TIAM2: variants seen among roughly 807,000 people sequenced by gnomAD.
TIAM2 encodes TIAM Rac1 associated GEF 2, also known as rho guanine nucleotide exchange factor TIAM2.
In TIAM2, 80 loss-of-function variants were observed where a neutral mutation model predicts 152.9. That is an observed-to-expected ratio of 0.52 (90% CI 0.44 to 0.63). The LOEUF is 0.63. Ranked by LOEUF, TIAM2 falls within the 30% of genes least tolerant of loss-of-function variation. The pLI, the probability that TIAM2 is intolerant of heterozygous loss-of-function variation, is 0.00. For synonymous variants in TIAM2, 804 were observed against 838.0 expected (o/e 0.96, Z 0.70); for missense variants, 1,965 against 2,120.1 (o/e 0.93, Z 1.44).
chr6:155,167,965 A>T (rs982625818), intron 9 of TIAM2, among the ~76,000 whole-genome samples: 3 of 152,242 alleles, frequency 2.0e-5, no homozygotes, highest in Non-Finnish European at 2.9e-5. Flanking sequence ...GTTTTTACCC[A>T]GCATCTGTGG....
At position 155,140,587 on chromosome 6, in the gene TIAM2, A is replaced by T. The variant is rs899717135; in HGVS notation, c.1630+2975A>T. Among the ~76,000 whole-genome samples the T allele has an allele frequency of 4.3e-3, 629 of 147,568 alleles. 1 individual carries two copies. Among genetic ancestry groups the T allele is most frequent in the East Asian group, 0.014 (70 of 5,062 alleles). ...GTGTGTGTGTGTGAGAGAGAGAGAG[A>T]GAGAGAGAGAGAGAGAGAGAGAGAG... is the stretch of plus-strand genomic sequence containing the variant. On this transcript the variant is annotated intron_variant, in intron 5 of 26. Coordinates refer to ENST00000682666, the MANE Select transcript of TIAM2 (RefSeq NM_012454.4).
chr6:155,172,753 G>A (rs1344431025), intron 9 of TIAM2, among the ~76,000 whole-genome samples: 3 of 134,004 alleles, frequency 2.2e-5, no homozygotes, highest in African/African-American at 5.5e-5. Flanking sequence ...TGGTAGGTGC[G>A]TAACAGTCCT....
At chr6:155,015,948 A>C (rs1778569868) in intron 1 of TIAM2, among the ~76,000 whole-genome samples, 2 of 144,040 alleles carry the variant, frequency 1.4e-5, no homozygotes, top group South Asian at 2.1e-4. Context: ...AAAAACCAAA[A>C]AAAAAAAAAA....
intron 2 of TIAM2, among the ~76,000 whole-genome samples, chr6:155,096,719 G>A (rs1255303926): frequency 3.3e-5 from 5 of 152,074 alleles, no homozygotes; most frequent in African/African-American, 1.2e-4. Context: ...AATCCATTAT[G>A]TATATATACC....
chr6:155,145,833 G>A (rs1015131367), intron 6 of TIAM2, among the ~76,000 whole-genome samples: 1 of 152,036 alleles, frequency 6.6e-6, no homozygotes, highest in East Asian at 1.9e-4. Context: ...AAGCTCCCTG[G>A]GCCTTTAATT....
intron 2 of TIAM2, among the ~76,000 whole-genome samples, chr6:155,100,932 T>C (rs1456266842): frequency 1.3e-5 from 2 of 152,312 alleles, no homozygotes; most frequent in Admixed American, 6.5e-5. Context: ...GGACTCTAAA[T>C]TGTGGGCCCC....
At chr6:155,047,323 C>T (rs567198604) in intron 1 of TIAM2, among the ~76,000 whole-genome samples, 1 of 152,132 alleles carries the variant, frequency 6.6e-6, no homozygotes, top group Non-Finnish European at 1.5e-5. Context: ...GGATTACAGG[C>T]TGCGCGCCAC....
rs757301489 is a variant in TIAM2 at position 155,251,020 on chromosome 6, T to C, written c.4059T>C (p.Phe1353=). ...GAAAGGACCTTGAGCTCACAGTATT[T>C]GGTTAGTATTCCATTCAGAAGAATG... The part of the protein sequence containing the change: ...KARKDLELTV[F]VFKRAVILVY... Residue 1353 remains phenylalanine (F), a splice_region_variant and synonymous_variant, in exon 22 of 27, where the codon TTT becomes TTC. Coordinates refer to ENST00000682666, the MANE Select transcript of TIAM2 (RefSeq NM_012454.4). The C allele has an allele frequency of 6.8e-6, 11 of 1,613,350 alleles. No homozygotes were observed. In the Admixed American group the frequency reaches 1.7e-4, roughly 24 times the overall value.
At chr6:155,229,532 A>G (rs1023926001) in intron 15 of TIAM2, among the ~76,000 whole-genome samples, 3 of 152,246 alleles carry the variant, frequency 2.0e-5, no homozygotes, top group Non-Finnish European at 4.4e-5. Flanking sequence ...ACAGCTGGTC[A>G]TGGCCATGGC....
At chr6:155,037,385 T>G (rs1776942335) in intron 1 of TIAM2, among the ~76,000 whole-genome samples, 1 of 149,528 alleles carries the variant, frequency 6.7e-6, no homozygotes, top group Non-Finnish European at 1.5e-5. Context: ...TTTTGAATGA[T>G]TAAGGCTTTA....
At chr6:155,032,414 C>T (rs1164076486) in intron 1 of TIAM2, among the ~76,000 whole-genome samples, 1 of 152,202 alleles carries the variant, frequency 6.6e-6, no homozygotes, top group Non-Finnish European at 1.5e-5. Context: ...CCTGTCCACA[C>T]AAGCATCACA....
At chr6:155,030,172 T>A (rs1415754908) in intron 1 of TIAM2, among the ~76,000 whole-genome samples, 2 of 152,124 alleles carry the variant, frequency 1.3e-5, no homozygotes, top group Non-Finnish European at 2.9e-5. Flanking sequence ...ATGATAACTT[T>A]CTGAAATTAC....
Position 155,179,020 on chromosome 6 carries a change from A to G in TIAM2, c.2524-19A>G. 6.3e-7 allele frequency: 1 copy of G among 1,576,174 alleles called. No homozygotes were observed. Among genetic ancestry groups the G allele is most frequent in the Non-Finnish European group, 8.7e-7 (1 of 1,151,148 alleles). On this transcript the variant is annotated intron_variant, in intron 10 of 26. Transcript: ENST00000682666. ...AGAAAGAGCATTTAAAATCTGAATA[A>G]CTGTCTTTTTCTTTATAGATGAGGC...
intron 9 of TIAM2, among the ~76,000 whole-genome samples, chr6:155,173,904 G>T (rs761265761): frequency 6.6e-6 from 1 of 152,216 alleles, no homozygotes; most frequent in South Asian, 2.1e-4. Flanking sequence ...AGGTTGGAGG[G>T]TATATATGGT....
At chr6:155,102,124 A>C (rs1778564228) in intron 2 of TIAM2, among the ~76,000 whole-genome samples, 1 of 151,848 alleles carries the variant, frequency 6.6e-6, no homozygotes. Context: ...AGCCTCCCAA[A>C]TAGCTAGGGC....
At chr6:155,095,146 A>G (rs1475993363) in intron 2 of TIAM2, among the ~76,000 whole-genome samples, 1 of 152,040 alleles carries the variant, frequency 6.6e-6, no homozygotes, top group East Asian at 1.9e-4. Flanking sequence ...TGCTTTTTCC[A>G]GTGGATCCCC....
At chr6:155,171,714 A>G (rs1336942562) in intron 9 of TIAM2, among the ~76,000 whole-genome samples, 3 of 152,198 alleles carry the variant, frequency 2.0e-5, no homozygotes, top group Non-Finnish European at 4.4e-5. Context: ...TAGCATATAT[A>G]TATGCATACA....
At chr6:155,157,781 T>G (rs141386197) in intron 7 of TIAM2, among the ~76,000 whole-genome samples, 1 of 152,340 alleles carries the variant, frequency 6.6e-6, no homozygotes, top group Non-Finnish European at 1.5e-5. Flanking sequence ...GTAAATCAGA[T>G]GGTGCTTTGC....
At chr6:155,016,731 C>T (rs1778595023) in intron 1 of TIAM2, among the ~76,000 whole-genome samples, 1 of 151,856 alleles carries the variant, frequency 6.6e-6, no homozygotes, top group Non-Finnish European at 1.5e-5. Context: ...AAACCTGTCT[C>T]TACTAAAAAT....
Sources: allele counts gnomAD v4.1 joint callset (sites outside exome capture counted in the v4.1 genomes callset), GRCh38; gene constraint gnomAD v4.1.1; transcripts MANE v1.5; gene names NCBI Gene and HGNC (gene_info 2026-07-23, HGNC 2026-07-21).